BAHD1: variants seen among roughly 807,000 people sequenced by gnomAD.
The protein encoded by BAHD1 is bromo adjacent homology domain-containing 1 protein.
Under a neutral mutation model 63.1 loss-of-function variants are expected in BAHD1, and 20 were observed. The ratio of observed to expected loss-of-function variants is 0.32; its 90% CI spans 0.22 to 0.46. The LOEUF (loss-of-function observed/expected upper bound fraction) is 0.46, where lower values mean the gene tolerates loss of function less well. BAHD1 is among the 20% of genes least tolerant of loss of function. The probability of loss-of-function intolerance (pLI) is 1.00; values close to 1 mark genes in which losing one functional copy is unlikely to be tolerated. For missense variants in BAHD1, 939 were observed against 1,071.8 expected (o/e 0.88, Z 1.73); for synonymous variants, 408 against 426.8 (o/e 0.96, Z 0.54).
intron 6 of BAHD1, 49 bp from the exon 7 acceptor site, chr15:40,465,892 T>C (rs762656209): frequency 1.4e-5 from 22 of 1,522,658 alleles, no homozygotes; most frequent in Non-Finnish European, 1.7e-5. Context: ...GAATTGGTCT[T>C]CCTGCAAAAG....
rs765067746 is a variant in BAHD1 at position 40,461,977 on chromosome 15, G to A, written c.1498G>A (p.Ala500Thr). The A allele has an allele frequency of 6.5e-5, 84 of 1,293,890 alleles. No homozygotes were observed. The highest frequency in any genetic ancestry group is 9.0e-5 in the Non-Finnish European group (84 of 937,254). The allele number at this position is 1,293,890 out of a possible 1,614,324, so 80.2% of individuals were successfully genotyped here. Reference protein sequence around the residue: ...LPEAGHPASPAHPLLGCPVPS... With the variant: ...LPEAGHPASPTHPLLGCPVPS... ...GGAAGCTGGCCACCCAGCCTCACCC[G>A]CCCACCCACTCCTGGGGTGCCCTGT... Residue 500 changes from alanine to threonine, a missense_variant, in exon 3 of 7, where the codon GCC becomes ACC. Transcript: ENST00000416165.
chr15:40,449,144 T>C, intron 1 of BAHD1, among the ~76,000 whole-genome samples: 1 of 152,224 alleles, frequency 6.6e-6, no homozygotes, highest in Non-Finnish European at 1.5e-5. Flanking sequence ...ACCTGTTTTT[T>C]TTCCTTGTTA....
intron 1 of BAHD1, among the ~76,000 whole-genome samples, chr15:40,441,483 C>G (rs916408467): frequency 4.0e-5 from 6 of 151,120 alleles, no homozygotes; most frequent in African/African-American, 1.5e-4. Context: ...CCACCTCCCT[C>G]CCCTGGGTCC....
chr15:40,440,406 G>C (rs1317071700), upstream of BAHD1, among the ~76,000 whole-genome samples: 1 of 152,000 alleles, frequency 6.6e-6, no homozygotes, highest in Admixed American at 6.5e-5. Context: ...GGTTGTTCTC[G>C]CTTGATTTTC....
At position 40,459,647 on chromosome 15, in the gene BAHD1, C is replaced by T. The variant is rs1489184518; in HGVS notation, c.1183C>T (p.Pro395Ser). The T allele has an allele frequency of 2.5e-6, 4 of 1,614,120 alleles. No individual in the cohort carries two copies. In the South Asian group the frequency reaches 4.4e-5, roughly 18 times the overall value. ...QEGLQCGGYS[P>S]CPMLPEGKLS... ...GGGGCTGCAGTGTGGGGGCTACTCGCCCTGCCCCATGCTTCCTGAGGGCAA... is the reference window on the plus strand; with the variant it reads ...GGGGCTGCAGTGTGGGGGCTACTCGTCCTGCCCCATGCTTCCTGAGGGCAA... The change falls in exon 2 of 7, where the codon CCC (proline) becomes TCC (serine). Residue 395 changes from proline (P) to serine (S), a missense_variant. Coordinates refer to ENST00000416165, the MANE Select transcript of BAHD1 (RefSeq NM_014952.5).
At chr15:40,464,959 A>G in intron 5 of BAHD1, 1 of 376,222 alleles carries the variant, frequency 2.7e-6, no homozygotes, top group Non-Finnish European at 4.9e-6. Flanking sequence ...CTGTGTGCTA[A>G]AAGAGGTGAC....
intron 1 of BAHD1, among the ~76,000 whole-genome samples, chr15:40,444,904 A>G (rs1474827837): frequency 4.0e-5 from 6 of 151,760 alleles, no homozygotes; most frequent in Admixed American, 2.6e-4. Context: ...TTTCCCTTCT[A>G]CGCGGGAAGG....
chr15:40,459,180 C>T lies in BAHD1; in HGVS notation c.716C>T (p.Pro239Leu), dbSNP rs535030870. ...GAAGTAGATGGGCGCTCCACTGAGC[C>T]CCCAGCACCCAAGGCCCCGAGGCCA... ...HAEVDGRSTE[P>L]PAPKAPRPKW... is the part of the protein sequence containing the mutation. The change falls in exon 2 of 7, where the codon CCC (proline) becomes CTC (leucine). Residue 239 changes from proline (P) to leucine (L), a missense_variant. Physicochemically the swap from Pro to Leu is moderately conservative, Grantham distance 98. Transcript: ENST00000416165. 1.9e-6 allele frequency: 3 copies of T among 1,612,802 alleles called. No individual in the cohort carries two copies. Among genetic ancestry groups the T allele is most frequent in the Non-Finnish European group, 2.5e-6 (3 of 1,179,704 alleles).
chr15:40,437,735 G>T (rs974719880), upstream of BAHD1, among the ~76,000 whole-genome samples: 2 of 152,230 alleles, frequency 1.3e-5, no homozygotes, highest in Non-Finnish European at 2.9e-5. Context: ...TGCCGTTGGG[G>T]TGCCCTGCCT....
At chr15:40,440,222 G>A (rs1362310186), upstream of BAHD1, among the ~76,000 whole-genome samples, 3 of 152,142 alleles carry the variant, frequency 2.0e-5, no homozygotes, top group African/African-American at 7.2e-5. Context: ...GTGAAGGGCA[G>A]AAAGAGGAAA....
intron 1 of BAHD1, among the ~76,000 whole-genome samples, chr15:40,443,017 A>T (rs1893445626): frequency 6.6e-6 from 1 of 152,224 alleles, no homozygotes; most frequent in Non-Finnish European, 1.5e-5. Context: ...GGAAAAACTC[A>T]TTCAGAGCTC....
intron 1 of BAHD1, among the ~76,000 whole-genome samples, chr15:40,445,857 C>T (rs142923734): frequency 6.6e-6 from 1 of 152,344 alleles, no homozygotes; most frequent in East Asian, 1.9e-4. Context: ...TTTGGAGGGA[C>T]AAGGAGAGTG....
In BAHD1 at chr15:40,459,671, A is replaced by G; in HGVS notation, c.1207A>G (p.Lys403Glu). ...GCCCTGCCCCATGCTTCCTGAGGGC[A>G]AGCTGTCCCCAGTGGCTGCACCTCA... ...YSPCPMLPEG[K>E]LSPVAAPHEE... Residue 403 changes from lysine (K) to glutamate (E), a missense_variant, in exon 2 of 7, where the codon AAG becomes GAG. By Grantham distance (56) the Lys-to-Glu change is moderately conservative. Transcript: ENST00000416165. 1 of 1,614,074 alleles carries G rather than the reference A, an allele frequency of 6.2e-7. No individual in the cohort carries two copies. Among genetic ancestry groups the G allele is most frequent in the Non-Finnish European group, 8.5e-7 (1 of 1,179,996 alleles).
chr15:40,465,382 T>C lies in BAHD1; in HGVS notation c.2100T>C (p.Ser700=), dbSNP rs1034750735. Residue 700 remains serine, a synonymous_variant, in exon 6 of 7, where the codon AGT becomes AGC. Transcript: ENST00000416165. ...VFASRHQDQN[S]VACIEEKCYV... is the part of the protein sequence containing the mutation. ...CATCGCGACATCAGGACCAGAACAG[T>C]GTGGCCTGCATTGAGGAGAAGTGCT... 1.9e-6 allele frequency: 3 copies of C among 1,614,170 alleles called. No individual in the cohort carries two copies. Among genetic ancestry groups the C allele is most frequent in the Non-Finnish European group, 2.5e-6 (3 of 1,180,028 alleles).
rs1325136387 is a variant in BAHD1 at position 40,459,255 on chromosome 15, C to A, written c.791C>A (p.Ala264Asp). The part of the protein sequence containing the change: ...GKNYPKAWQG[A>D]SSGEAAGPPG... ...AACTATCCCAAGGCTTGGCAGGGGG[C>A]CAGCTCTGGGGAGGCTGCAGGCCCA... Residue 264 changes from alanine (A) to aspartate (D), a missense_variant, in exon 2 of 7, where the codon GCC (alanine) becomes GAC (aspartate). Physicochemically the swap from Ala to Asp is moderately radical, Grantham distance 126. Transcript: ENST00000416165. The A allele has an allele frequency of 6.2e-7, 1 of 1,612,342 alleles. No individual in the cohort carries two copies. The highest frequency in any genetic ancestry group is 8.5e-7 in the Non-Finnish European group (1 of 1,179,602).
intron 5 of BAHD1, 141 bp from the exon 6 acceptor site, chr15:40,465,194 C>A: frequency 1.5e-6 from 1 of 689,422 alleles, no homozygotes; most frequent in Non-Finnish European, 2.5e-6. Context: ...GTAGGTGAGG[C>A]ATACTTAGGC....
In BAHD1 at chr15:40,466,257, G is replaced by T. The variant is rs538681127; in HGVS notation, c.*127G>T. The T allele has an allele frequency of 2.6e-4, 235 of 894,164 alleles. 4 individuals are homozygous for T. The highest frequency in any genetic ancestry group is 2.1e-3 in the Admixed American group (67 of 32,012). 55.4% of individuals were successfully genotyped at this position (894,164 alleles called of 1,614,324 possible). A position where few individuals can be genotyped will look rare whatever the true frequency, so the allele number is the denominator to read the frequency against. On this transcript the variant is annotated 3_prime_UTR_variant, in exon 7 of 7. Transcript: ENST00000416165. ...AGTTTGCTGGCCTGTGGTTTTCTTG[G>T]GGGGGAGGGCAGGGGCCCCTGTGGG...
intron 1 of BAHD1, among the ~76,000 whole-genome samples, chr15:40,454,818 G>A (rs1442479670): frequency 1.3e-5 from 2 of 152,158 alleles, no homozygotes; most frequent in Non-Finnish European, 2.9e-5. Flanking sequence ...TAATTGGGAG[G>A]GGCAGCAGGA....
At chr15:40,452,864 C>T (rs1893746036) in intron 1 of BAHD1, among the ~76,000 whole-genome samples, 2 of 152,172 alleles carry the variant, frequency 1.3e-5, no homozygotes, top group South Asian at 4.1e-4. Context: ...GTAAACTGAA[C>T]CCCCCACAAC....
Sources: allele counts gnomAD v4.1 joint callset (sites outside exome capture counted in the v4.1 genomes callset), GRCh38; gene constraint gnomAD v4.1.1; transcripts MANE v1.5; gene names NCBI Gene and HGNC (gene_info 2026-07-23, HGNC 2026-07-21).